POLE: variants seen among roughly 807,000 people sequenced by gnomAD.
POLE encodes the protein DNA polymerase epsilon, catalytic subunit, also known as DNA polymerase epsilon catalytic subunit A.
POLE carries 188 observed loss-of-function variants against 279.2 expected under a neutral mutation model. The observed-to-expected ratio is 0.67, with a 90% confidence interval of 0.60 to 0.76. The LOEUF (loss-of-function observed/expected upper bound fraction) is 0.76. Ranked by LOEUF, POLE falls within the 30% of genes least tolerant of loss-of-function variation. POLE has a pLI of 0.00. For synonymous variants in POLE, 1,214 were observed against 1,172.5 expected, an observed-to-expected ratio of 1.04 and a Z score of -0.72; for missense variants, 2,703 against 3,016.7, an observed-to-expected ratio of 0.90 and a Z score of 2.44.
In POLE at chr12:132,641,758, A is replaced by T. The variant is rs199535980; in HGVS notation, c.5267T>A (p.Ile1756Asn). 74 of 1,611,308 alleles carry T rather than the reference A, an allele frequency of 4.6e-5. 1 individual carries two copies. Among genetic ancestry groups the T allele is most frequent in the Non-Finnish European group, 5.1e-5 (60 of 1,179,978 alleles). ...GGCCTGCTGGATCACGTCGAAGCTGATCCCCATGCTGTCGGCCCCCTCCAT... is the reference window on the plus strand; with the variant it reads ...GGCCTGCTGGATCACGTCGAAGCTGTTCCCCATGCTGTCGGCCCCCTCCAT... Reference protein sequence around the residue: ...NDMEGADSMGISFDVIQQASL... With the variant: ...NDMEGADSMGNSFDVIQQASL... The change falls in exon 39 of 49, where the codon ATC (isoleucine) becomes AAC (asparagine). Residue 1756 changes from isoleucine (I) to asparagine (N), a missense_variant. Coordinates refer to ENST00000320574, the MANE Select transcript of POLE (RefSeq NM_006231.4).
chr12:132,637,936 G>C lies in POLE; in HGVS notation c.5678+78C>G, dbSNP rs5744974. The C allele has an allele frequency of 0.61, 939,752 of 1,528,534 alleles. 292,635 individuals are homozygous for C. Among genetic ancestry groups the C allele is most frequent in the African/African-American group, 0.81 (58,975 of 72,952 alleles). The allele number at this position is 1,528,534 out of a possible 1,614,324, so 94.7% of individuals were successfully genotyped here. On this transcript the variant is annotated intron_variant, in intron 41 of 48. Transcript: ENST00000320574. ...CGACCTCCCAGCCCACCCAGGAGGA[G>C]AGCTGGCACCTCAGGGGGTCATTTT... is the stretch of plus-strand genomic sequence containing the variant.
chr12:132,676,924 C>T, intron 8 of POLE, among the ~76,000 whole-genome samples: 1 of 152,210 alleles, frequency 6.6e-6, no homozygotes, highest in East Asian at 1.9e-4. Context: ...AAAGACATCA[C>T]CTCATTCTGG....
chr12:132,672,365 CCA>C (rs777270721), intron 15 of POLE, 43 bp from the exon 16 acceptor site: 17 of 1,473,218 alleles, frequency 1.2e-5, no homozygotes, highest in Non-Finnish European at 1.4e-5. Context: ...GGAAACACAC[CCA>C]CACTAGCCTG....
At chr12:132,653,139 G>T (rs549452917) in intron 29 of POLE, among the ~76,000 whole-genome samples, 18 of 152,230 alleles carry the variant, frequency 1.2e-4, no homozygotes, top group South Asian at 4.1e-4. Context: ...CAGTGCTTTG[G>T]GGGGGGCCCA....
rs556962209 is a variant in POLE at position 132,659,318 on chromosome 12, G to A, written c.3252C>T (p.Pro1084=). The part of the protein sequence containing the change: ...LSCRYIISRK[P]EGSPVTERAI... The stretch of plus-strand genomic sequence containing the variant: ...ACCTCTCCGTGACAGGGGAGCCCTC[G>A]GGCTTGCGGGAGATGATGTAGCGGC... Residue 1084 remains proline (P), a synonymous_variant, in exon 26 of 49, where the codon CCC becomes CCT. Transcript: ENST00000320574. 76 of 1,611,746 alleles carry A rather than the reference G, an allele frequency of 4.7e-5. 1 individual carries two copies. The highest frequency in any genetic ancestry group is 8.9e-5 in the East Asian group (4 of 44,880).
At position 132,638,084 on chromosome 12, in the gene POLE, G is replaced by A. The variant is rs138231414; in HGVS notation, c.5608C>T (p.Arg1870Cys). The change falls in exon 41 of 49, where the codon CGC (arginine) becomes TGC (cysteine). Residue 1870 changes from arginine to cysteine, a missense_variant. Arg to Cys is a radical substitution (Grantham distance 180). Coordinates refer to ENST00000320574, the MANE Select transcript of POLE (RefSeq NM_006231.4). ...GSSVIYANFN[R>C]IILCTKKRRV... ...CGCTTCTTTGTACAGAGGATGATGC[G>A]GTTGAAGTTGGCGTAGATGACTGAT... 9 of 1,613,838 alleles carry A rather than the reference G, an allele frequency of 5.6e-6. No homozygotes were observed. The highest frequency in any genetic ancestry group is 2.2e-5 in the East Asian group (1 of 44,888).
chr12:132,632,688 C>T lies in POLE; in HGVS notation c.6112G>A (p.Glu2038Lys), dbSNP rs181570274. The change falls in exon 44 of 49, where the codon GAG (glutamate) becomes AAG (lysine). Residue 2038 changes from glutamate to lysine, a missense_variant. Around this residue, in one of 5 missense-constraint regions of POLE, gnomAD observed 1,551 missense variants for 1,686.1 expected, o/e 0.92. Coordinates refer to ENST00000320574, the MANE Select transcript of POLE (RefSeq NM_006231.4). ...RGASQLSQEA[E>K]GAVGALPGMI... ...CCGGGAAGGGCTCCGACCGCCCCCT[C>T]GGCCTCCTGGGAGAGCTGGCTGGCC... 21 of 1,614,024 alleles carry T rather than the reference C, an allele frequency of 1.3e-5. No homozygotes were observed. The highest frequency in any genetic ancestry group is 4.5e-5 in the East Asian group (2 of 44,852).
chr12:132,672,213 A>C lies in POLE; in HGVS notation c.1794+2T>G, dbSNP rs2135990079. On this transcript the variant is annotated splice_donor_variant, in intron 16 of 48. Transcript: ENST00000320574. LOFTEE classifies it high-confidence loss of function. The stretch of plus-strand genomic sequence containing the variant: ...GGCTCTTCCTGCCTCCCTGATGGTT[A>C]CCTCTTCAAAGTTGGTGACTTGCTC... The C allele has an allele frequency of 1.2e-6, 2 of 1,606,836 alleles. No homozygotes were observed. Among genetic ancestry groups the C allele is most frequent in the Non-Finnish European group, 1.7e-6 (2 of 1,173,346 alleles).
intron 20 of POLE, among the ~76,000 whole-genome samples, chr12:132,665,844 A>C (rs1320017279): frequency 6.6e-6 from 1 of 152,212 alleles, no homozygotes; most frequent in Non-Finnish European, 1.5e-5. Flanking sequence ...TGGGTATTTA[A>C]GGAACAAAAG....
In POLE at chr12:132,624,340, A is replaced by C. The variant is rs887754716; in HGVS notation, c.*357T>G. The C allele has an allele frequency of 8.6e-5, 32 of 372,226 alleles. No homozygotes were observed. Among genetic ancestry groups the C allele is most frequent in the African/African-American group, 6.2e-4 (31 of 49,876 alleles). The allele number at this position is 372,226 out of a possible 1,614,324, so 23.1% of individuals were successfully genotyped here. A position where few individuals can be genotyped will look rare whatever the true frequency, so the allele number is the denominator to read the frequency against. ...CCTCCCTCTGGGAGGCAGGACAAAG[A>C]ACTAGGGGCACCTAGAGGACGCTCC... On this transcript the variant is annotated 3_prime_UTR_variant, in exon 49 of 49. Transcript: ENST00000320574.
chr12:132,641,821 G>A lies in POLE; in HGVS notation c.5204C>T (p.Ala1735Val), dbSNP rs1467058337. The A allele has an allele frequency of 1.2e-6, 2 of 1,601,786 alleles. No individual in the cohort carries two copies. The highest frequency in any genetic ancestry group is 1.7e-6 in the Non-Finnish European group (2 of 1,179,918). ...GTGAGACTGGAGAATGGTGTTGACG[G>A]CCAGGTTCTGAAGGTCCAGCTCCAC... ...VCVELDLQNL[A>V]VNTILQSHHV... is the part of the protein sequence containing the mutation. The change falls in exon 39 of 49, where the codon GCC becomes GTC. Residue 1735 changes from alanine (A) to valine (V), a missense_variant. Physicochemically the swap from Ala to Val is moderately conservative, Grantham distance 64 (BLOSUM62 0). Coordinates refer to ENST00000320574, the MANE Select transcript of POLE (RefSeq NM_006231.4).
chr12:132,667,727 G>C (rs2135972111), intron 19 of POLE, 79 bp from the exon 20 acceptor site: 1 of 1,456,008 alleles, frequency 6.9e-7, no homozygotes, highest in Non-Finnish European at 9.5e-7. Context: ...GGGTGCTGAA[G>C]AACATGGCTT....
chr12:132,680,802 C>A lies in POLE; in HGVS notation c.205-115G>T, dbSNP rs188988547. 5.1e-6 allele frequency: 4 copies of A among 788,584 alleles called. No individual in the cohort carries two copies. The Admixed American group carries it at 6.0e-5, about 12-fold the overall frequency. 48.8% of individuals were successfully genotyped at this position (788,584 alleles called of 1,614,324 possible). On this transcript the variant is annotated intron_variant, in intron 2 of 48. Transcript: ENST00000320574. ...TAGAAACAAACCCTCTCATCTAGGT[C>A]TTTACTCCACCCCTACATTAACACT...
At chr12:132,682,332 A>T (rs1051863637) in intron 1 of POLE, among the ~76,000 whole-genome samples, 1 of 150,950 alleles carries the variant, frequency 6.6e-6, no homozygotes, top group East Asian at 1.9e-4. Flanking sequence ...ATAAATAAAT[A>T]AATTAGCTGG....
intron 32 of POLE, among the ~76,000 whole-genome samples, chr12:132,646,349 T>A (rs2042283480): frequency 6.6e-6 from 1 of 152,034 alleles, no homozygotes; most frequent in Non-Finnish European, 1.5e-5. Context: ...ACAGGCATAG[T>A]CATGTGTCCA....
In POLE at chr12:132,634,390, G is replaced by T. The variant is rs1291111416; in HGVS notation, c.5812-12C>A. 1 of 1,609,798 alleles carries T rather than the reference G, an allele frequency of 6.2e-7. No individual in the cohort carries two copies. The highest frequency in any genetic ancestry group is 1.3e-5 in the African/African-American group (1 of 74,964). On this transcript the variant is annotated splice_polypyrimidine_tract_variant and intron_variant, in intron 42 of 48. Transcript: ENST00000320574. The surrounding 1 kb of genome is among the most constrained non-coding windows in gnomAD (Gnocchi z 4.0). ...TTCTGGGAGTCTTGCTGTAACACAT[G>T]AGACAACGCGGCTGTGTTTGCACCA...
chr12:132,649,420 C>T lies in POLE; in HGVS notation c.3891G>A (p.Ser1297=), dbSNP rs375466233. The change falls in exon 31 of 49, where the codon TCG becomes TCA. Residue 1297 remains serine (S), a synonymous_variant. Transcript: ENST00000320574. ...LARRKRQRLE[S]AEGVLRPGAI... is the part of the protein sequence containing the mutation. ...CCCCGGGCCTGAGCACACCCTCTGC[C>T]GACTCCAGACGCTGCCTCTTCCTGC... 54 of 1,612,990 alleles carry T rather than the reference C, an allele frequency of 3.3e-5. No homozygotes were observed. The highest frequency in any genetic ancestry group is 4.0e-5 in the African/African-American group (3 of 74,946).
intron 45 of POLE, among the ~76,000 whole-genome samples, chr12:132,632,068 C>G (rs1215471945): frequency 6.6e-6 from 1 of 152,178 alleles, no homozygotes; most frequent in Non-Finnish European, 1.5e-5. Flanking sequence ...ACACCTGCTC[C>G]TCACCTTGCA....
chr12:132,644,323 CT>C lies in POLE; in HGVS notation c.4150-347del, dbSNP rs57257940. Among the ~76,000 whole-genome samples, 824 of 107,698 alleles carry C rather than the reference CT, an allele frequency of 7.7e-3. 1 individual carries two copies. The highest frequency in any genetic ancestry group is 9.5e-3 in the Non-Finnish European group (512 of 53,746). The allele number at this position is 107,698 out of a possible 152,430, so 70.7% of individuals were successfully genotyped here. ...ACAAGGAACACACCACCACGGATGGCTTTTTTTTTTTTTTTTTTTTTTTGTA... is the reference window on the plus strand; with the variant it reads ...ACAAGGAACACACCACCACGGATGGCTTTTTTTTTTTTTTTTTTTTTTGTA... On this transcript the variant is annotated intron_variant, in intron 32 of 48. Transcript: ENST00000320574.
Sources: allele counts gnomAD v4.1 joint callset (sites outside exome capture counted in the v4.1 genomes callset), GRCh38; gene constraint gnomAD v4.1.1; regional missense constraint gnomAD v4.1.1; non-coding constraint Gnocchi (gnomAD v3.1); transcripts MANE v1.5; gene names NCBI Gene and HGNC (gene_info 2026-07-23, HGNC 2026-07-21).